Variants in HIF1A observed in about 807,000 individuals in gnomAD.
The protein encoded by HIF1A is hypoxia-inducible factor 1-alpha.
In HIF1A, 24 loss-of-function variants were observed where a neutral mutation model predicts 92.7. That is an observed-to-expected ratio of 0.26 (90% CI 0.19 to 0.36). The LOEUF (loss-of-function observed/expected upper bound fraction) is 0.36, where lower values mean the gene tolerates loss of function less well. Ranked by LOEUF, HIF1A falls within the 10% of genes least tolerant of loss-of-function variation. The pLI is 1.00. For synonymous variants in HIF1A, 319 were observed against 338.7 expected, an observed-to-expected ratio of 0.94 and a Z score of 0.64; for missense variants, 799 against 998.5, an observed-to-expected ratio of 0.80 and a Z score of 2.69.
chr14:61,734,647 CAT>C (rs2044615107), intron 8 of HIF1A, among the ~76,000 whole-genome samples: 1 of 152,164 alleles, frequency 6.6e-6, no homozygotes, highest in South Asian at 2.1e-4. Context: ...AGATTTGTAT[CAT>C]AGCTCTACCA....
intron 1 of HIF1A, among the ~76,000 whole-genome samples, chr14:61,708,542 A>T (rs1408925697): frequency 2.0e-5 from 3 of 152,174 alleles, no homozygotes; most frequent in Non-Finnish European, 4.4e-5. Context: ...TTTTCCCAGC[A>T]CCATTTATTA....
chr14:61,743,006 T>G (rs767512895), intron 12 of HIF1A, among the ~76,000 whole-genome samples: 3 of 151,998 alleles, frequency 2.0e-5, no homozygotes, highest in Non-Finnish European at 2.9e-5. Context: ...TATCCAGTTT[T>G]CTGAACAACT....
intron 8 of HIF1A, among the ~76,000 whole-genome samples, chr14:61,736,095 C>T (rs1257424424): frequency 1.3e-5 from 2 of 151,756 alleles, no homozygotes; most frequent in Non-Finnish European, 1.5e-5. Flanking sequence ...TCTCATGCCT[C>T]AGCCTCCCAA....
chr14:61,740,401 TTG>T, intron 10 of HIF1A, 102 bp from the exon 11 acceptor site: 1 of 805,176 alleles, frequency 1.2e-6, no homozygotes. Flanking sequence ...ATGGACTTGG[TTG>T]TGTGTTTTCT....
In HIF1A at chr14:61,740,609, G is replaced by A. The variant is rs1438834669; in HGVS notation, c.1641G>A (p.Lys547=). The A allele has an allele frequency of 1.9e-6, 3 of 1,605,200 alleles. No individual in the cohort carries two copies. The highest frequency in any genetic ancestry group is 1.1e-5 in the South Asian group (1 of 89,774). Residue 547 remains lysine, a synonymous_variant, in exon 11 of 15, where the codon AAG becomes AAA. Transcript: ENST00000337138. The stretch of plus-strand genomic sequence containing the variant: ...TTTTTGCTGAAGACACAGAAGCAAA[G>A]AACCCATTTTCTACTCAGGTATATG... The part of the protein sequence containing the change: ...EKLFAEDTEA[K]NPFSTQDTDL...
intron 12 of HIF1A, among the ~76,000 whole-genome samples, chr14:61,744,335 A>G (rs1433548739): frequency 2.6e-5 from 4 of 152,022 alleles, no homozygotes; most frequent in Admixed American, 2.6e-4. Flanking sequence ...GACCAGCCTG[A>G]GCAACATAGT....
chr14:61,695,884 C>T, intron 1 of HIF1A, 45 bp downstream of exon 1: 1 of 1,538,716 alleles, frequency 6.5e-7, no homozygotes, highest in Non-Finnish European at 8.8e-7. Context: ...CCGGCGACCC[C>T]GCCCGCCTGC....
intron 2 of HIF1A, 86 bp downstream of exon 2, chr14:61,720,658 GT>G: frequency 3.4e-6 from 3 of 874,450 alleles, no homozygotes; most frequent in Non-Finnish European, 5.1e-6. Flanking sequence ...TGGTCGCAAT[GT>G]TTTGATTTTG....
intron 1 of HIF1A, among the ~76,000 whole-genome samples, chr14:61,716,100 C>T (rs1594866427): frequency 6.6e-6 from 1 of 152,078 alleles, no homozygotes; most frequent in East Asian, 1.9e-4. Flanking sequence ...TTAAGAAGTG[C>T]AGGGCAGTTA....
intron 1 of HIF1A, among the ~76,000 whole-genome samples, chr14:61,703,983 T>C (rs1397644663): frequency 6.6e-6 from 1 of 151,512 alleles, no homozygotes; most frequent in Non-Finnish European, 1.5e-5. Context: ...GATCCTTTTC[T>C]CTACTAAATA....
chr14:61,736,820 C>T, intron 8 of HIF1A, 69 bp from the exon 9 acceptor site: 1 of 1,074,938 alleles, frequency 9.3e-7, no homozygotes, highest in African/African-American at 1.6e-5. Flanking sequence ...GAGACCATTT[C>T]ACAGTCTCCC....
chr14:61,729,431 C>T lies in HIF1A; in HGVS notation c.773+1776C>T, dbSNP rs139564534. Among the ~76,000 whole-genome samples the T allele has an allele frequency of 6.8e-3, 1,018 of 149,768 alleles. 6 individuals carry two copies. The highest frequency in any genetic ancestry group is 0.011 in the Middle Eastern group (3 of 282). On this transcript the variant is annotated intron_variant, in intron 6 of 14. Coordinates refer to ENST00000337138, the MANE Select transcript of HIF1A (RefSeq NM_001530.4). ...GAACCAAGCTTGCACCACTGCACTC[C>T]GGCCTGGGAGACGGAGTGAGACTCC... is the stretch of plus-strand genomic sequence containing the variant.
intron 13 of HIF1A, 50 bp from the exon 14 acceptor site, chr14:61,745,641 T>TAA: frequency 1.4e-6 from 2 of 1,434,056 alleles, no homozygotes; most frequent in Non-Finnish European, 1.9e-6. Context: ...TTTGGTTGTT[T>TAA]AAAAAAAAAA....
chr14:61,717,527 C>A (rs1259426043), intron 1 of HIF1A, among the ~76,000 whole-genome samples: 1 of 152,086 alleles, frequency 6.6e-6, no homozygotes, highest in Non-Finnish European at 1.5e-5. Context: ...GGCTGGTTTT[C>A]TTCCAAAATT....
intron 1 of HIF1A, among the ~76,000 whole-genome samples, chr14:61,717,240 G>A (rs1009244771): frequency 3.3e-5 from 5 of 152,092 alleles, no homozygotes; most frequent in Middle Eastern, 3.2e-3. Context: ...GATAAAATTA[G>A]CCTTCCTGTG....
chr14:61,735,117 C>T (rs2044620145), intron 8 of HIF1A, among the ~76,000 whole-genome samples: 1 of 152,154 alleles, frequency 6.6e-6, no homozygotes, highest in South Asian at 2.1e-4. Flanking sequence ...TCCATCTTGC[C>T]CATTACTACC....
chr14:61,717,247 T>C (rs762498928), intron 1 of HIF1A, among the ~76,000 whole-genome samples: 2 of 152,214 alleles, frequency 1.3e-5, no homozygotes, highest in Non-Finnish European at 2.9e-5. Flanking sequence ...TTAGCCTTCC[T>C]GTGACTAGAC....
chr14:61,695,630 G>C lies in HIF1A; in HGVS notation c.-175G>C. ...GAGGAGAGGCTCGGAGCCGGGCCCG[G>C]ACCCCGGCGATTGCCGCCCGCTTCT... On this transcript the variant is annotated 5_prime_UTR_variant, in exon 1 of 15. Transcript: ENST00000337138. The C allele has an allele frequency of 1.5e-6, 1 of 675,240 alleles. No individual in the cohort carries two copies. Among genetic ancestry groups the C allele is most frequent in the South Asian group, 1.9e-5 (1 of 52,906 alleles). 41.8% of individuals were successfully genotyped at this position (675,240 alleles called of 1,614,324 possible).
Position 61,726,834 on chromosome 14 carries a change from T to C in HIF1A, c.570+16T>C. On this transcript the variant is annotated intron_variant, in intron 5 of 14. Transcript: ENST00000337138. ...AACATGGAAGGTAAGTGAAAATTAT[T>C]TGTGATTGATTATACACTTTATTTA... The C allele has an allele frequency of 1.5e-6, 2 of 1,368,698 alleles. No homozygotes were observed. Among genetic ancestry groups the C allele is most frequent in the South Asian group, 2.4e-5 (2 of 81,718 alleles). The allele number at this position is 1,368,698 out of a possible 1,614,324, so 84.8% of individuals were successfully genotyped here.
Sources: gnomAD v4.1 joint callset for allele counts (sites outside exome capture counted in the v4.1 genomes callset) on GRCh38, gnomAD v4.1.1 for gene constraint, MANE v1.5 for transcripts, NCBI Gene and HGNC (gene_info 2026-07-23, HGNC 2026-07-21) for gene names.